NELL1: variants seen among roughly 807,000 people sequenced by gnomAD.
NELL1 encodes neural EGFL like 1, also known as protein kinase C-binding protein NELL1.
Under a neutral mutation model 107.4 loss-of-function variants are expected in NELL1, and 76 were observed. That is an observed-to-expected ratio of 0.71 (90% CI 0.59 to 0.86). NELL1 has a LOEUF of 0.86. Among genes scored for constraint, NELL1 ranks in the 40% least tolerant of loss-of-function variants. The probability of loss-of-function intolerance (pLI) is 0.00; values close to 1 mark genes in which losing one functional copy is unlikely to be tolerated. For synonymous variants in NELL1, 353 were observed against 341.2 expected (o/e 1.03, Z -0.38); for missense variants, 1,024 against 1,005.5 (o/e 1.02, Z -0.25).
At chr11:20,906,674 A>G (rs1299548569) in intron 5 of NELL1, among the ~76,000 whole-genome samples, 1 of 152,056 alleles carries the variant, frequency 6.6e-6, no homozygotes, top group Non-Finnish European at 1.5e-5. Context: ...ATCCCAGGAG[A>G]ATGGTTTAAC....
intron 2 of NELL1, among the ~76,000 whole-genome samples, chr11:20,775,639 A>C (rs944540569): frequency 5.9e-5 from 9 of 152,178 alleles, no homozygotes; most frequent in African/African-American, 2.2e-4. Context: ...GGTGGGTGGC[A>C]GTGTGGAGAG....
At chr11:21,160,396 C>G (rs1590692325) in intron 13 of NELL1, among the ~76,000 whole-genome samples, 1 of 152,126 alleles carries the variant, frequency 6.6e-6, no homozygotes, top group Non-Finnish European at 1.5e-5. Context: ...ATGGTGTTCT[C>G]TAGGTTAATT....
intron 15 of NELL1, among the ~76,000 whole-genome samples, chr11:21,464,298 TAA>T (rs1853970799): frequency 6.6e-6 from 1 of 151,784 alleles, no homozygotes; most frequent in Non-Finnish European, 1.5e-5. Context: ...ACAAAGTAAT[TAA>T]ACTACCTTTT....
chr11:21,470,959 T>TAATA (rs1472914239), intron 15 of NELL1, among the ~76,000 whole-genome samples: 3 of 152,128 alleles, frequency 2.0e-5, no homozygotes, highest in African/African-American at 7.2e-5. Context: ...ATAAAATAGT[T>TAATA]AATAAGCTAT....
At chr11:20,712,100 G>C (rs1369129376) in intron 2 of NELL1, among the ~76,000 whole-genome samples, 1 of 151,824 alleles carries the variant, frequency 6.6e-6, no homozygotes, top group East Asian at 1.9e-4. Flanking sequence ...TCTTAGATTT[G>C]GTCATATAAC....
intron 12 of NELL1, among the ~76,000 whole-genome samples, chr11:20,981,723 T>C (rs1446483461): frequency 6.6e-6 from 1 of 151,652 alleles, no homozygotes; most frequent in African/African-American, 2.4e-5. Context: ...AGTGTAGATG[T>C]GTGGTAGATT....
At chr11:20,811,078 C>G (rs1466153158) in intron 3 of NELL1, among the ~76,000 whole-genome samples, 1 of 152,144 alleles carries the variant, frequency 6.6e-6, no homozygotes, top group Non-Finnish European at 1.5e-5. Flanking sequence ...GCCTTGACCA[C>G]TGTCATGGAG....
At chr11:21,243,302 T>G (rs1001831116) in intron 14 of NELL1, among the ~76,000 whole-genome samples, 2 of 152,104 alleles carry the variant, frequency 1.3e-5, no homozygotes, top group Non-Finnish European at 2.9e-5. Context: ...TAAGTGCATG[T>G]GTAGATGAGG....
chr11:20,669,975 T>C lies in NELL1; in HGVS notation c.55+197T>C, dbSNP rs1459394395. ...ACTCACGGGCTTGAAGATGTCCCCG[T>C]TGAGTGCCCCTTCTCAGGGGACCCG... On this transcript the variant is annotated intron_variant, in intron 1 of 19. Transcript: ENST00000357134. This position sits in a 1 kb window ranked among gnomAD's most constrained non-coding sequence, Gnocchi z 4.4. 1.3e-5 allele frequency among the ~76,000 whole-genome samples: 2 copies of C among 152,114 alleles called. No individual in the cohort carries two copies. Among genetic ancestry groups the C allele is most frequent in the East Asian group, 3.9e-4 (2 of 5,162 alleles).
At chr11:21,403,627 C>G (rs1051647541) in intron 15 of NELL1, among the ~76,000 whole-genome samples, 14 of 150,804 alleles carry the variant, frequency 9.3e-5, no homozygotes, top group African/African-American at 2.9e-4. Flanking sequence ...AAAAATGTGC[C>G]TTTAATTGGC....
chr11:20,734,214 A>G (rs375510989), intron 2 of NELL1, among the ~76,000 whole-genome samples: 7 of 152,190 alleles, frequency 4.6e-5, no homozygotes, highest in African/African-American at 1.7e-4. Flanking sequence ...TGGGAGTAGC[A>G]GGAGTTAATG....
intron 2 of NELL1, among the ~76,000 whole-genome samples, chr11:20,692,327 G>C (rs1411533293): frequency 1.3e-5 from 2 of 151,780 alleles, no homozygotes; most frequent in Non-Finnish European, 2.9e-5. Flanking sequence ...CCTTCTGCTA[G>C]CTTTTGAATG....
At chr11:21,269,376 TCA>T (rs375742543) in intron 14 of NELL1, among the ~76,000 whole-genome samples, 17 of 145,434 alleles carry the variant, frequency 1.2e-4, no homozygotes, top group African/African-American at 2.4e-4. Flanking sequence ...TCTCTCTCTC[TCA>T]CACACACACA....
intron 4 of NELL1, among the ~76,000 whole-genome samples, chr11:20,850,194 T>C (rs1194806396): frequency 6.6e-6 from 1 of 152,234 alleles, no homozygotes; most frequent in African/African-American, 2.4e-5. Flanking sequence ...TTGCCAACTT[T>C]ACAGTAGCAG....
rs1388575861 is a variant in NELL1, at chr11:21,273,536, T to C, written c.1549+44082T>C. Among the ~76,000 whole-genome samples the C allele has an allele frequency of 3.3e-5, 5 of 152,156 alleles. No homozygotes were observed. In the East Asian group the frequency reaches 9.7e-4, roughly 29 times the overall value. ...TAGCAAGGCAGGCCAACATTCAAAT[T>C]CAGGAAAGACAGAGAACACCACAAA... On this transcript the variant is annotated intron_variant, in intron 14 of 19. Transcript: ENST00000357134.
At chr11:21,167,212 C>A (rs1334367283) in intron 13 of NELL1, among the ~76,000 whole-genome samples, 3 of 151,832 alleles carry the variant, frequency 2.0e-5, no homozygotes, top group African/African-American at 7.3e-5. Context: ...TCAAGCATAA[C>A]CTCCATTTGT....
At chr11:21,457,664 G>A (rs1036546593) in intron 15 of NELL1, among the ~76,000 whole-genome samples, 8 of 152,028 alleles carry the variant, frequency 5.3e-5, no homozygotes, top group African/African-American at 7.2e-5. Flanking sequence ...AATTTGCTAC[G>A]GTTTATGGAA....
chr11:20,707,990 C>T (rs1855013085), intron 2 of NELL1, among the ~76,000 whole-genome samples: 1 of 152,202 alleles, frequency 6.6e-6, no homozygotes, highest in Non-Finnish European at 1.5e-5. Flanking sequence ...GCAGTGGGCT[C>T]CACCCAGTTG....
intron 2 of NELL1, among the ~76,000 whole-genome samples, chr11:20,740,334 G>A (rs910604702): frequency 9.9e-5 from 15 of 152,184 alleles, no homozygotes; most frequent in Admixed American, 2.0e-4. Context: ...AAGACAGACT[G>A]AGCAGTCCCT....
Sources: allele counts gnomAD v4.1 joint callset (sites outside exome capture counted in the v4.1 genomes callset), GRCh38; gene constraint gnomAD v4.1.1; non-coding constraint Gnocchi (gnomAD v3.1); transcripts MANE v1.5; gene names NCBI Gene and HGNC (gene_info 2026-07-23, HGNC 2026-07-21).